The following CDH13 variants were observed in gnomAD, a reference collection of about 807,000 sequenced individuals.
The protein encoded by CDH13 is cadherin-13.
A neutral mutation model predicts 63.8 loss-of-function variants in CDH13; 24 were observed. That is an observed-to-expected ratio of 0.38 (90% CI 0.27 to 0.53). CDH13 has a LOEUF of 0.53. Among genes scored for constraint, CDH13 ranks in the 20% least tolerant of loss-of-function variants. CDH13 has a pLI of 0.85. For synonymous variants in CDH13, 503 were observed against 355.3 expected (o/e 1.42, Z -4.67); for missense variants, 1,049 against 903.1 (o/e 1.16, Z -2.07).
chr16:82,689,037 C>T (rs994257752), intron 1 of CDH13: 1 of 152,166 alleles, frequency 6.6e-6, no homozygotes, highest in Non-Finnish European at 1.5e-5. Context: ...AGAACTAGGT[C>T]AGCTGTCTTT....
intron 10 of CDH13, among the ~76,000 whole-genome samples, chr16:83,740,714 G>A (rs1911978256): frequency 6.6e-6 from 1 of 152,144 alleles, no homozygotes; most frequent in African/African-American, 2.4e-5. Flanking sequence ...GAGATGTCAA[G>A]AGCTCCTGCC....
intron 1 of CDH13, among the ~76,000 whole-genome samples, chr16:82,653,816 G>C (rs1169062197): frequency 6.6e-6 from 1 of 152,196 alleles, no homozygotes; most frequent in Non-Finnish European, 1.5e-5. Context: ...CCGGGGCGCA[G>C]GATGGGAGAC....
intron 1 of CDH13, among the ~76,000 whole-genome samples, chr16:82,631,243 C>T (rs995804956): frequency 3.3e-5 from 5 of 152,166 alleles, no homozygotes; most frequent in Admixed American, 1.3e-4. Flanking sequence ...CGGTGCAATA[C>T]GCAATGTGAG....
chr16:83,269,595 A>G lies in CDH13; in HGVS notation c.636+52098A>G, dbSNP rs530870048. Among the ~76,000 whole-genome samples, 4 of 152,210 alleles carry G rather than the reference A, an allele frequency of 2.6e-5. No homozygotes were observed. In the South Asian group the frequency reaches 8.3e-4, roughly 32 times the overall value. On this transcript the variant is annotated intron_variant, in intron 5 of 13. Transcript: ENST00000567109. ...CCAGTAAGAATTCTGGGATCACTCC[A>G]CCCCAAAAGAATGAGGGTTATGTTG...
chr16:83,295,107 GT>G (rs1277751622), intron 5 of CDH13, among the ~76,000 whole-genome samples: 1 of 152,006 alleles, frequency 6.6e-6, no homozygotes, highest in Non-Finnish European at 1.5e-5. Context: ...TTCCAGCATA[GT>G]TATCAAGAAC....
At chr16:82,899,368 A>G (rs1041439395) in intron 2 of CDH13, among the ~76,000 whole-genome samples, 3 of 152,256 alleles carry the variant, frequency 2.0e-5, no homozygotes, top group Non-Finnish European at 4.4e-5. Context: ...ACAATACAAT[A>G]CATCAATGGT....
intron 10 of CDH13, among the ~76,000 whole-genome samples, chr16:83,688,607 T>G (rs1053535321): frequency 6.6e-6 from 1 of 152,292 alleles, no homozygotes; most frequent in Admixed American, 6.5e-5. Context: ...TGAGGTCATT[T>G]TTTTGGTTCT....
intron 8 of CDH13, among the ~76,000 whole-genome samples, chr16:83,617,146 T>G (rs1909351866): frequency 6.6e-6 from 1 of 152,206 alleles, no homozygotes; most frequent in Non-Finnish European, 1.5e-5. Context: ...GCTTTGCTCT[T>G]TAAGCCCATC....
At chr16:83,310,272 C>G (rs952997262) in intron 5 of CDH13, among the ~76,000 whole-genome samples, 1 of 152,046 alleles carries the variant, frequency 6.6e-6, no homozygotes, top group Non-Finnish European at 1.5e-5. Flanking sequence ...AGATGCCTGT[C>G]AAATAAATAG....
At chr16:83,523,750 C>A (rs1001864567) in intron 7 of CDH13, among the ~76,000 whole-genome samples, 12 of 152,218 alleles carry the variant, frequency 7.9e-5, no homozygotes, top group Non-Finnish European at 1.3e-4. Context: ...CTTCCCCATT[C>A]TGTGGCATGG....
intron 5 of CDH13, among the ~76,000 whole-genome samples, chr16:83,247,132 C>T (rs899937824): frequency 1.3e-5 from 2 of 152,184 alleles, no homozygotes; most frequent in African/African-American, 4.8e-5. Context: ...TCATTGGTAC[C>T]TGTGCCATCC....
At chr16:82,674,189 C>T (rs1250689578) in intron 1 of CDH13, among the ~76,000 whole-genome samples, 1 of 152,158 alleles carries the variant, frequency 6.6e-6, no homozygotes, top group Non-Finnish European at 1.5e-5. Flanking sequence ...TAAATCTTCA[C>T]CCCTTAAGGC....
chr16:83,364,656 T>C (rs892698355), intron 6 of CDH13, among the ~76,000 whole-genome samples: 1 of 152,142 alleles, frequency 6.6e-6, no homozygotes, highest in Non-Finnish European at 1.5e-5. Flanking sequence ...CCAGTGAAAG[T>C]AGAGTGATAA....
intron 3 of CDH13, among the ~76,000 whole-genome samples, chr16:83,111,582 G>A (rs1189026983): frequency 6.6e-6 from 1 of 152,192 alleles, no homozygotes; most frequent in Non-Finnish European, 1.5e-5. Flanking sequence ...GACAATCAGA[G>A]TCTCCACTAG....
intron 1 of CDH13, among the ~76,000 whole-genome samples, chr16:82,842,113 T>C (rs1270155395): frequency 0.037 from 1,461 of 39,354 alleles, 70 homozygotes; most frequent in Middle Eastern, 0.086. Flanking sequence ...TATATATATG[T>C]ATATATATAT....
chr16:82,980,679 C>T (rs1417131979), intron 2 of CDH13, among the ~76,000 whole-genome samples: 2 of 152,116 alleles, frequency 1.3e-5, no homozygotes, highest in Admixed American at 6.6e-5. Context: ...ATTTTGGTGA[C>T]ATTTTCAAGC....
intron 3 of CDH13, among the ~76,000 whole-genome samples, chr16:83,120,192 C>T (rs1167785232): frequency 3.3e-5 from 5 of 152,238 alleles, no homozygotes; most frequent in African/African-American, 1.2e-4. Flanking sequence ...TTTTCTTGGG[C>T]ACTTTAGATC....
At chr16:82,691,544 C>T (rs994901712) in intron 1 of CDH13, among the ~76,000 whole-genome samples, 3 of 152,160 alleles carry the variant, frequency 2.0e-5, no homozygotes, top group African/African-American at 4.8e-5. Flanking sequence ...CCTTCTCTGT[C>T]TCACTTACTA....
At chr16:83,008,737 C>T (rs1291597339) in intron 2 of CDH13, among the ~76,000 whole-genome samples, 1 of 152,134 alleles carries the variant, frequency 6.6e-6, no homozygotes, top group Admixed American at 6.5e-5. Flanking sequence ...CAGAACGAGG[C>T]CTTCCTCTCT....
Sources: gnomAD v4.1 joint callset for allele counts (sites outside exome capture counted in the v4.1 genomes callset) on GRCh38, gnomAD v4.1.1 for gene constraint, MANE v1.5 for transcripts, NCBI Gene and HGNC (gene_info 2026-07-23, HGNC 2026-07-21) for gene names.